Variants in KDM4C observed in about 807,000 individuals in gnomAD.
The protein encoded by KDM4C is lysine demethylase 4C, also known as lysine-specific demethylase 4C.
In KDM4C, 81 loss-of-function variants were observed where a neutral mutation model predicts 129.3. The ratio of observed to expected loss-of-function variants is 0.63; its 90% CI spans 0.52 to 0.75. The LOEUF (loss-of-function observed/expected upper bound fraction) is 0.75, where lower values mean the gene tolerates loss of function less well. Among genes scored for constraint, KDM4C ranks in the 30% least tolerant of loss-of-function variants. The pLI, the probability that KDM4C is intolerant of heterozygous loss-of-function variation, is 0.00. For synonymous variants in KDM4C, 573 were observed against 456.1 expected (o/e 1.26, Z -3.26); for missense variants, 1,457 against 1,304.0 (o/e 1.12, Z -1.81).
chr9:6,974,506 T>C (rs1417872454), intron 8 of KDM4C, among the ~76,000 whole-genome samples: 3 of 152,312 alleles, frequency 2.0e-5, no homozygotes, highest in Admixed American at 6.5e-5. Flanking sequence ...TACAGGCATG[T>C]GCCACCATGC....
chr9:6,894,824 C>T (rs867331705), intron 8 of KDM4C, among the ~76,000 whole-genome samples: 4 of 152,200 alleles, frequency 2.6e-5, no homozygotes, highest in African/African-American at 9.7e-5. Context: ...GTGGAGGAGG[C>T]TGGATCTGAC....
intron 1 of KDM4C, among the ~76,000 whole-genome samples, chr9:6,763,361 C>G (rs1345090942): frequency 6.6e-6 from 1 of 152,208 alleles, no homozygotes; most frequent in Non-Finnish European, 1.5e-5. Context: ...TCTCATTCTT[C>G]AGGAAGCTCA....
chr9:7,132,019 A>G (rs1463078568), intron 19 of KDM4C, among the ~76,000 whole-genome samples: 2 of 152,218 alleles, frequency 1.3e-5, no homozygotes, highest in African/African-American at 4.8e-5. Flanking sequence ...TATTCATCAA[A>G]TGTAGTGTGA....
intron 5 of KDM4C, among the ~76,000 whole-genome samples, chr9:6,879,119 A>G (rs1844043535): frequency 6.6e-6 from 1 of 152,236 alleles, no homozygotes. Context: ...TTACTTTAGT[A>G]AGAAGTAACT....
chr9:6,994,190 G>C (rs1456792396), intron 12 of KDM4C, among the ~76,000 whole-genome samples: 3 of 152,106 alleles, frequency 2.0e-5, no homozygotes, highest in Non-Finnish European at 4.4e-5. Context: ...GATCTGACAG[G>C]AGGTGGAGCT....
intron 19 of KDM4C, among the ~76,000 whole-genome samples, chr9:7,129,980 T>C (rs1186945882): frequency 2.0e-5 from 3 of 152,186 alleles, no homozygotes; most frequent in Non-Finnish European, 4.4e-5. Context: ...CTCTAGAACT[T>C]CCACTCTTAA....
chr9:6,866,506 A>C (rs953512862), intron 5 of KDM4C, among the ~76,000 whole-genome samples: 1 of 152,220 alleles, frequency 6.6e-6, no homozygotes, highest in East Asian at 1.9e-4. Context: ...CTGATTTGGC[A>C]TCTCCGTTGG....
chr9:6,981,924 CCT>C (rs930094530), intron 9 of KDM4C: 1 of 209,916 alleles, frequency 4.8e-6, no homozygotes, highest in Non-Finnish European at 1.1e-5. Flanking sequence ...TCACTCATAA[CCT>C]CACTATCCAG....
intron 15 of KDM4C, among the ~76,000 whole-genome samples, chr9:7,039,171 T>C (rs547841653): frequency 6.6e-6 from 1 of 152,116 alleles, no homozygotes; most frequent in Admixed American, 6.6e-5. Context: ...TTTAGGTCTG[T>C]AAATCAATTG....
At chr9:6,765,111 A>G (rs1289296640) in intron 1 of KDM4C, among the ~76,000 whole-genome samples, 1 of 152,078 alleles carries the variant, frequency 6.6e-6, no homozygotes, top group Non-Finnish European at 1.5e-5. Flanking sequence ...TTCCAGCATG[A>G]TCTTTAAGGC....
intron 17 of KDM4C, among the ~76,000 whole-genome samples, chr9:7,086,141 G>C (rs1481747908): frequency 6.6e-6 from 1 of 152,138 alleles, no homozygotes; most frequent in Admixed American, 6.5e-5. Context: ...CTGAGCGACA[G>C]AGCCAGACCC....
At chr9:6,886,657 AATTTTTTTGT>A (rs1174941284) in intron 6 of KDM4C, among the ~76,000 whole-genome samples, 1 of 151,650 alleles carries the variant, frequency 6.6e-6, no homozygotes, top group Non-Finnish European at 1.5e-5. Flanking sequence ...ATGCCTCGCT[AATTTTTTTGT>A]ATTTGTAGTA....
chr9:6,847,337 T>C (rs1052162545), intron 4 of KDM4C, among the ~76,000 whole-genome samples: 4 of 152,178 alleles, frequency 2.6e-5, no homozygotes, highest in Non-Finnish European at 5.9e-5. Context: ...TGAGATAAAA[T>C]ATTTTACATA....
Position 7,170,822 on chromosome 9 carries a change from G to C in KDM4C, c.2994+932G>C, listed in dbSNP as rs112129842. 216 of 959,298 alleles carry C rather than the reference G, an allele frequency of 2.3e-4. 2 individuals carry two copies. Among genetic ancestry groups the C allele is most frequent in the Admixed American group, 1.1e-3 (18 of 16,098 alleles). The allele number at this position is 959,298 out of a possible 1,614,324, so 59.4% of individuals were successfully genotyped here. A position where few individuals can be genotyped will look rare whatever the true frequency, so the allele number is the denominator to read the frequency against. On this transcript the variant is annotated intron_variant, in intron 21 of 21. Coordinates refer to ENST00000381309, the MANE Select transcript of KDM4C (RefSeq NM_015061.6). ...AAAACCAAGGGTTTTCTTAAATCAGGGATGTCCAATCTTTTTGCATCCCTG... is the reference window on the plus strand; with the variant it reads ...AAAACCAAGGGTTTTCTTAAATCAGCGATGTCCAATCTTTTTGCATCCCTG...
intron 1 of KDM4C, among the ~76,000 whole-genome samples, chr9:6,725,263 G>T (rs564036206): frequency 6.6e-6 from 1 of 151,884 alleles, no homozygotes; most frequent in Non-Finnish European, 1.5e-5. Context: ...GTGCAGGAGG[G>T]ACGACTTTAA....
At chr9:7,027,993 G>A (rs950406186) in intron 15 of KDM4C, among the ~76,000 whole-genome samples, 1 of 152,084 alleles carries the variant, frequency 6.6e-6, no homozygotes, top group African/African-American at 2.4e-5. Flanking sequence ...GGGACACTGG[G>A]CTCCCCGCTG....
chr9:7,114,304 G>A (rs750067746), intron 18 of KDM4C, among the ~76,000 whole-genome samples: 16 of 152,114 alleles, frequency 1.1e-4, no homozygotes, highest in Admixed American at 7.2e-4. Context: ...AGGAATTCAT[G>A]TTCCTGAGTC....
At chr9:6,912,982 A>G (rs751130963) in intron 8 of KDM4C, among the ~76,000 whole-genome samples, 72 of 152,268 alleles carry the variant, frequency 4.7e-4, no homozygotes, top group African/African-American at 1.3e-3. Flanking sequence ...GGGCATTTTC[A>G]GTATGTTGAG....
chr9:7,134,794 T>C (rs894196961), intron 19 of KDM4C, among the ~76,000 whole-genome samples: 2 of 152,206 alleles, frequency 1.3e-5, no homozygotes, highest in Non-Finnish European at 2.9e-5. Flanking sequence ...TTTAGAGGCA[T>C]AGAATCTGGT....
Sources: allele counts gnomAD v4.1 joint callset (sites outside exome capture counted in the v4.1 genomes callset), GRCh38; gene constraint gnomAD v4.1.1; transcripts MANE v1.5; gene names NCBI Gene and HGNC (gene_info 2026-07-23, HGNC 2026-07-21).